Variants in UNC5C observed in about 807,000 individuals in gnomAD.
UNC5C encodes the protein netrin receptor UNC5C.
Under a neutral mutation model 99.8 loss-of-function variants are expected in UNC5C, and 47 were observed. The observed-to-expected ratio is 0.47, with a 90% CI of 0.37 to 0.60. The LOEUF (loss-of-function observed/expected upper bound fraction) is 0.60, where lower values mean the gene tolerates loss of function less well. UNC5C is among the 20% of genes least tolerant of loss of function. UNC5C has a pLI of 0.00. For missense variants in UNC5C, 1,062 were observed against 1,165.9 expected (o/e 0.91, Z 1.30); for synonymous variants, 487 against 452.2 (o/e 1.08, Z -0.98).
intron 4 of UNC5C, among the ~76,000 whole-genome samples, chr4:95,268,798 G>A (rs972879013): frequency 3.9e-5 from 6 of 152,172 alleles, no homozygotes; most frequent in Non-Finnish European, 7.3e-5. Flanking sequence ...AGGTTACTCT[G>A]TTAAACTCAT....
At chr4:95,175,195 C>G (rs1387130677) in intron 14 of UNC5C, among the ~76,000 whole-genome samples, 3 of 147,114 alleles carry the variant, frequency 2.0e-5, no homozygotes, top group Non-Finnish European at 1.5e-5. Flanking sequence ...GACTCTTTAT[C>G]CAATTTGCCA....
intron 1 of UNC5C, among the ~76,000 whole-genome samples, chr4:95,503,076 C>T (rs1472125711): frequency 6.6e-6 from 1 of 152,100 alleles, no homozygotes; most frequent in Non-Finnish European, 1.5e-5. Context: ...TCCCAAAATT[C>T]ATGTGTTGGA....
intron 10 of UNC5C, among the ~76,000 whole-genome samples, chr4:95,212,831 C>A (rs1198605956): frequency 6.6e-6 from 1 of 152,170 alleles, no homozygotes; most frequent in African/African-American, 2.4e-5. Context: ...ACACTTCTAG[C>A]CAGCTGTGAA....
chr4:95,483,607 C>T (rs1721237398), intron 1 of UNC5C, among the ~76,000 whole-genome samples: 1 of 151,722 alleles, frequency 6.6e-6, no homozygotes, highest in Non-Finnish European at 1.5e-5. Context: ...ATATTGTATT[C>T]TCATTAATTC....
At chr4:95,479,973 G>C (rs1245546493) in intron 1 of UNC5C, among the ~76,000 whole-genome samples, 4 of 148,698 alleles carry the variant, frequency 2.7e-5, no homozygotes, top group Non-Finnish European at 6.0e-5. Flanking sequence ...CTCTTTCCTG[G>C]AATGTCTTTG....
chr4:95,453,224 G>A (rs1747325484), intron 1 of UNC5C, among the ~76,000 whole-genome samples: 2 of 152,066 alleles, frequency 1.3e-5, no homozygotes, highest in Non-Finnish European at 2.9e-5. Context: ...TGTGCAAGAG[G>A]AAAGAAAGCC....
chr4:95,507,305 A>G (rs1381194225), intron 1 of UNC5C, among the ~76,000 whole-genome samples: 1 of 152,034 alleles, frequency 6.6e-6, no homozygotes, highest in African/African-American at 2.4e-5. Flanking sequence ...CCATTAGATA[A>G]TTAGGATAGA....
intron 1 of UNC5C, among the ~76,000 whole-genome samples, chr4:95,515,743 G>A (rs752962466): frequency 6.6e-6 from 1 of 152,168 alleles, no homozygotes; most frequent in Non-Finnish European, 1.5e-5. Flanking sequence ...TTGCAATAAT[G>A]CATCCTAAAA....
At chr4:95,244,947 T>C in intron 6 of UNC5C, 30 bp downstream of exon 6, 1 of 1,611,844 alleles carries the variant, frequency 6.2e-7, no homozygotes, top group Non-Finnish European at 8.5e-7. Context: ...TAATAGGAGA[T>C]ACTTGGAATG....
chr4:95,219,293 C>G lies in UNC5C; in HGVS notation c.1321G>C (p.Asp441His). 1 of 1,613,700 alleles carries G rather than the reference C, an allele frequency of 6.2e-7. No individual in the cohort carries two copies. The highest frequency in any genetic ancestry group is 8.5e-7 in the Non-Finnish European group (1 of 1,179,714). Residue 441 changes from aspartate (D) to histidine (H), a missense_variant, in exon 9 of 16, where the codon GAC (aspartate) becomes CAC (histidine). By Grantham distance (81) the Asp-to-His change is moderately conservative. Transcript: ENST00000453304. ...TACATGGCTGCAGCTGACGTGAGGT[C>G]TGGGGGTACAGCCAGCAGATCTGAG... ...ARQDLLAVPPDLTSAAAMYRG... is the reference protein window; with the variant it reads ...ARQDLLAVPPHLTSAAAMYRG...
At chr4:95,398,307 A>G (rs941222694) in intron 1 of UNC5C, among the ~76,000 whole-genome samples, 1 of 152,060 alleles carries the variant, frequency 6.6e-6, no homozygotes, top group Non-Finnish European at 1.5e-5. Context: ...ACCAAAGTTG[A>G]AACCAAGAAA....
intron 4 of UNC5C, among the ~76,000 whole-genome samples, chr4:95,262,941 A>G (rs1579278740): frequency 6.6e-6 from 1 of 151,990 alleles, no homozygotes; most frequent in South Asian, 2.1e-4. Context: ...CAGCCTCCCA[A>G]GTAGCTGGGA....
intron 1 of UNC5C, among the ~76,000 whole-genome samples, chr4:95,544,277 T>C (rs1723002595): frequency 6.6e-6 from 1 of 152,178 alleles, no homozygotes; most frequent in South Asian, 2.1e-4. Context: ...GCATACACCA[T>C]TAACAGCTCT....
chr4:95,452,546 G>A (rs1384716321), intron 1 of UNC5C, among the ~76,000 whole-genome samples: 2 of 152,132 alleles, frequency 1.3e-5, no homozygotes, highest in Non-Finnish European at 2.9e-5. Context: ...ATAATGTGAC[G>A]TGTTATCCAG....
chr4:95,250,706 G>A (rs770650689), intron 4 of UNC5C, 39 bp from the exon 5 acceptor site: 5 of 1,594,670 alleles, frequency 3.1e-6, no homozygotes, highest in African/African-American at 1.3e-5. Flanking sequence ...TCCTCAGCAT[G>A]GATCCCCTGA....
chr4:95,298,530 G>A (rs1353709668), intron 3 of UNC5C, among the ~76,000 whole-genome samples: 2 of 152,064 alleles, frequency 1.3e-5, no homozygotes, highest in Admixed American at 1.3e-4. Context: ...GCCAGCCGCT[G>A]TCCCCTCTGC....
intron 2 of UNC5C, among the ~76,000 whole-genome samples, chr4:95,331,628 T>A (rs1379718137): frequency 1.3e-5 from 2 of 152,156 alleles, no homozygotes; most frequent in Non-Finnish European, 2.9e-5. Flanking sequence ...TTAGTTCTCA[T>A]CTATCTCTCC....
intron 1 of UNC5C, among the ~76,000 whole-genome samples, chr4:95,524,356 G>A (rs1560494039): frequency 6.6e-6 from 1 of 152,266 alleles, no homozygotes; most frequent in South Asian, 2.1e-4. Context: ...CATAAATGAT[G>A]CCTTGCATGT....
chr4:95,183,188 G>T, intron 13 of UNC5C, 127 bp from the exon 14 acceptor site: 1 of 896,678 alleles, frequency 1.1e-6, no homozygotes, highest in Non-Finnish European at 1.7e-6. Context: ...ACAGCCCTAT[G>T]TTTAAGTACA....
Sources: allele counts gnomAD v4.1 joint callset (sites outside exome capture counted in the v4.1 genomes callset), GRCh38; gene constraint gnomAD v4.1.1; transcripts MANE v1.5; gene names NCBI Gene and HGNC (gene_info 2026-07-23, HGNC 2026-07-21).